The following KRAS variants were observed in gnomAD, a reference collection of about 807,000 sequenced individuals.
KRAS encodes GTPase KRas.
A neutral mutation model predicts 21.0 loss-of-function variants in KRAS; 1 was observed. The observed-to-expected ratio is 0.05, with a 90% CI of 0.02 to 0.23. The LOEUF (loss-of-function observed/expected upper bound fraction) is 0.23. KRAS is among the 10% of genes least tolerant of loss of function. The pLI is 1.00. For missense variants in KRAS, 107 were observed against 221.8 expected (o/e 0.48, Z 3.29); for synonymous variants, 67 against 72.5 (o/e 0.92, Z 0.39).
chr12:25,249,428 T>C (rs1951734156), intron 1 of KRAS, among the ~76,000 whole-genome samples: 1 of 150,108 alleles, frequency 6.7e-6, no homozygotes, highest in Non-Finnish European at 1.5e-5. Context: ...CTGTCTCTAC[T>C]AAAAATACAA....
At position 25,207,496 on chromosome 12, in the gene KRAS, A is replaced by G. The variant is rs1212684672; in HGVS notation, c.*2299T>C. 1 of 191,638 alleles carries G rather than the reference A, an allele frequency of 5.2e-6. No homozygotes were observed. Among genetic ancestry groups the G allele is most frequent in the East Asian group, 8.0e-5 (1 of 12,472 alleles). 11.9% of individuals were successfully genotyped at this position (191,638 alleles called of 1,614,324 possible). ...GCCACTGCATTCCAGCCTGGGTGAC[A>G]AGAGCGAGACTCTGACACCAAAAAA... On this transcript the variant is annotated 3_prime_UTR_variant, in exon 5 of 5. Transcript: ENST00000311936.
At chr12:25,224,547 A>C (rs1285945314) in intron 4 of KRAS, among the ~76,000 whole-genome samples, 2 of 152,184 alleles carry the variant, frequency 1.3e-5, no homozygotes, top group Non-Finnish European at 2.9e-5. Context: ...AAAAGTCAAA[A>C]TGTTAGGAAA....
chr12:25,225,776 G>A lies in KRAS; in HGVS notation c.291-3C>T. The A allele has an allele frequency of 6.2e-7, 1 of 1,610,418 alleles. No individual in the cohort carries two copies. Among genetic ancestry groups the A allele is most frequent in the Non-Finnish European group, 8.5e-7 (1 of 1,178,430 alleles). On this transcript the variant is annotated splice_region_variant and splice_polypyrimidine_tract_variant and intron_variant, in intron 3 of 4. Transcript: ENST00000311936. ...CCTTAACTCTTTTAATTTGTTCTCT[G>A]GGAAAGAAAAAAAAGTTATAGCACA... is the stretch of plus-strand genomic sequence containing the variant.
chr12:25,217,484 AT>A (rs1208713115), intron 4 of KRAS, among the ~76,000 whole-genome samples: 12 of 152,078 alleles, frequency 7.9e-5, no homozygotes, highest in African/African-American at 2.7e-4. Flanking sequence ...TGATATATTT[AT>A]ATTTAACGAA....
chr12:25,228,488 T>C (rs1343863788), intron 2 of KRAS, among the ~76,000 whole-genome samples: 1 of 152,098 alleles, frequency 6.6e-6, no homozygotes, highest in Admixed American at 6.6e-5. Flanking sequence ...GAAAACATTA[T>C]GCTAAATGAA....
chr12:25,215,329 C>A, intron 4 of KRAS: 2 of 1,473,650 alleles, frequency 1.4e-6, no homozygotes, highest in Non-Finnish European at 1.8e-6. Flanking sequence ...TCTTTTAATA[C>A]TTCAAGTTAG....
chr12:25,220,962 T>G (rs1477790639), intron 4 of KRAS, among the ~76,000 whole-genome samples: 2 of 141,562 alleles, frequency 1.4e-5, no homozygotes, highest in African/African-American at 5.4e-5. Flanking sequence ...GAGGAGGAGG[T>G]TGCAATCAGC....
intron 1 of KRAS, among the ~76,000 whole-genome samples, chr12:25,246,760 TA>T (rs1209792866): frequency 1.3e-5 from 2 of 151,482 alleles, no homozygotes; most frequent in African/African-American, 4.8e-5. Flanking sequence ...ACTAAAAATA[TA>T]AAAAAATTAG....
chr12:25,232,863 C>A (rs1951491938), intron 2 of KRAS, among the ~76,000 whole-genome samples: 1 of 152,056 alleles, frequency 6.6e-6, no homozygotes, highest in Non-Finnish European at 1.5e-5. Context: ...ATAATAAGCA[C>A]AATATTTTTG....
At chr12:25,217,766 A>G (rs1951272171) in intron 4 of KRAS, among the ~76,000 whole-genome samples, 2 of 152,158 alleles carry the variant, frequency 1.3e-5, no homozygotes, top group Non-Finnish European at 2.9e-5. Context: ...TGTTGGCATG[A>G]GCCTGAAGTC....
intron 4 of KRAS, among the ~76,000 whole-genome samples, chr12:25,222,585 T>A (rs549674066): frequency 5.9e-5 from 9 of 152,184 alleles, no homozygotes; most frequent in Non-Finnish European, 2.9e-5. Context: ...TATTCTTTCA[T>A]ACTGTATCCC....
At chr12:25,232,911 G>A (rs1237505674) in intron 2 of KRAS, among the ~76,000 whole-genome samples, 2 of 152,112 alleles carry the variant, frequency 1.3e-5, no homozygotes, top group Non-Finnish European at 2.9e-5. Context: ...TCATTCAAAT[G>A]TTCATAGCCT....
chr12:25,209,757 TGTACTA>T lies in KRAS; in HGVS notation c.*32_*37del. The stretch of plus-strand genomic sequence containing the variant: ...AGTGTAATGTACAAAAATTACCACT[TGTACTA>T]GTATGCCTTAAGAAAAAAGTACAAA... On this transcript the variant is annotated 3_prime_UTR_variant, in exon 5 of 5. Transcript: ENST00000311936. 1.9e-6 allele frequency: 3 copies of T among 1,599,518 alleles called. No individual in the cohort carries two copies. The highest frequency in any genetic ancestry group is 2.6e-6 in the Non-Finnish European group (3 of 1,172,124).
chr12:25,247,386 C>A (rs920155923), intron 1 of KRAS, among the ~76,000 whole-genome samples: 1 of 152,204 alleles, frequency 6.6e-6, no homozygotes, highest in Admixed American at 6.5e-5. Context: ...CACACGGTCA[C>A]GGCATAGTTC....
chr12:25,249,089 CTG>C (rs1338429725), intron 1 of KRAS, among the ~76,000 whole-genome samples: 1 of 150,708 alleles, frequency 6.6e-6, no homozygotes, highest in African/African-American at 2.5e-5. Context: ...GAAAACCTGT[CTG>C]TTTTGATGGA....
rs758727576 is a variant in KRAS at position 25,207,044 on chromosome 12, C to G, written c.*2751G>C. ...TAGCAAAACAATTATAGAGCTGGCACAGAGACCAAACCCCTTCTTTGCAAA... is the reference window on the plus strand; with the variant it reads ...TAGCAAAACAATTATAGAGCTGGCAGAGAGACCAAACCCCTTCTTTGCAAA... On this transcript the variant is annotated 3_prime_UTR_variant, in exon 5 of 5. Transcript: ENST00000311936. The G allele has an allele frequency of 4.8e-6, 1 of 210,276 alleles. No individual in the cohort carries two copies. Among genetic ancestry groups the G allele is most frequent in the Non-Finnish European group, 9.7e-6 (1 of 103,570 alleles). 13.0% of individuals were successfully genotyped at this position (210,276 alleles called of 1,614,324 possible).
chr12:25,241,310 C>A (rs1565890194), intron 2 of KRAS, among the ~76,000 whole-genome samples: 1 of 152,020 alleles, frequency 6.6e-6, no homozygotes, highest in Non-Finnish European at 1.5e-5. Context: ...ATTTAAACAG[C>A]GAAACTACAC....
intron 2 of KRAS, among the ~76,000 whole-genome samples, chr12:25,229,110 T>C (rs977088732): frequency 2.0e-5 from 3 of 152,048 alleles, no homozygotes; most frequent in African/African-American, 7.2e-5. Context: ...AAACTTTATG[T>C]TATGCATATT....
rs1951155215 is a variant in KRAS at position 25,207,813 on chromosome 12, C to T, written c.*1982G>A. On this transcript the variant is annotated 3_prime_UTR_variant, in exon 5 of 5. Transcript: ENST00000311936. The stretch of plus-strand genomic sequence containing the variant: ...GGTCAAATCCCTTTATGGTATCTGT[C>T]AGATTCTCTTGAGCCCTGAGGAAAT... 1 of 233,060 alleles carries T rather than the reference C, an allele frequency of 4.3e-6. No individual in the cohort carries two copies. Among genetic ancestry groups the T allele is most frequent in the East Asian group, 6.0e-5 (1 of 16,552 alleles). The allele number at this position is 233,060 out of a possible 1,614,324, so 14.4% of individuals were successfully genotyped here. A position where few individuals can be genotyped will look rare whatever the true frequency, so the allele number is the denominator to read the frequency against.
Sources: gnomAD v4.1 joint callset for allele counts (sites outside exome capture counted in the v4.1 genomes callset) on GRCh38, gnomAD v4.1.1 for gene constraint, MANE v1.5 for transcripts, NCBI Gene and HGNC (gene_info 2026-07-23, HGNC 2026-07-21) for gene names.